MAP1B: variants seen among roughly 807,000 people sequenced by gnomAD.
The protein encoded by MAP1B is microtubule associated protein 1B.
A neutral mutation model predicts 176.1 loss-of-function variants in MAP1B; 12 were observed. The ratio of observed to expected loss-of-function variants is 0.07; its 90% CI spans 0.04 to 0.11. The LOEUF is 0.11. MAP1B is among the 10% of genes least tolerant of loss of function. The pLI is 1.00. For missense variants in MAP1B, 2,523 were observed against 2,990.5 expected, an observed-to-expected ratio of 0.84 and a Z score of 3.65; for synonymous variants, 1,044 against 1,135.0, an observed-to-expected ratio of 0.92 and a Z score of 1.61.
intron 2 of MAP1B, among the ~76,000 whole-genome samples, chr5:72,119,547 G>A (rs1054845373): frequency 1.2e-4 from 18 of 152,150 alleles, no homozygotes; most frequent in Admixed American, 2.0e-4. Context: ...CTATGTCATC[G>A]CCCAGGCTGG....
intron 2 of MAP1B, among the ~76,000 whole-genome samples, chr5:72,135,171 A>G (rs1185647246): frequency 6.6e-6 from 1 of 151,990 alleles, no homozygotes; most frequent in Non-Finnish European, 1.5e-5. Context: ...TTCAAATACC[A>G]GCTCTGGCTT....
rs377401083 is a variant in MAP1B at position 72,200,238 on chromosome 5, T to C, written c.6883T>C (p.Ser2295Pro). ...SRVASPKKKE[S>P]VEKAAKPTTT... is the part of the protein sequence containing the mutation. ...GGTGGCTTCTCCTAAGAAGAAAGAA[T>C]CTGTGGAAAAGGCAGCAAAACCCAC... The change falls in exon 5 of 7, where the codon TCT becomes CCT. Residue 2295 changes from serine to proline, a missense_variant. Physicochemically the swap from Ser to Pro is moderately conservative, Grantham distance 74. Around this residue, in one of 4 missense-constraint regions of MAP1B, gnomAD observed 287 missense variants for 401.5 expected, o/e 0.71. Transcript: ENST00000296755. 2 of 1,613,916 alleles carry C rather than the reference T, an allele frequency of 1.2e-6. No homozygotes were observed. Among genetic ancestry groups the C allele is most frequent in the Non-Finnish European group, 1.7e-6 (2 of 1,180,018 alleles).
At position 72,195,338 on chromosome 5, in the gene MAP1B, T is replaced by A; in HGVS notation, c.1983T>A (p.Ala661=). ...EEKEKPKKEV[A]KKEDKTPIKK... is the part of the protein sequence containing the mutation. ...AAGAAAAGCCAAAGAAAGAAGTGGC[T>A]AAAAAGGAGGACAAAACACCTATCA... The change falls in exon 5 of 7, where the codon GCT becomes GCA. Residue 661 remains alanine, a synonymous_variant. Coordinates refer to ENST00000296755, the MANE Select transcript of MAP1B (RefSeq NM_005909.5). The A allele has an allele frequency of 6.3e-7, 1 of 1,596,940 alleles. No individual in the cohort carries two copies. Among genetic ancestry groups the A allele is most frequent in the Non-Finnish European group, 8.5e-7 (1 of 1,174,118 alleles).
intron 2 of MAP1B, among the ~76,000 whole-genome samples, chr5:72,153,963 TA>T (rs1746187478): frequency 6.6e-6 from 1 of 152,194 alleles, no homozygotes; most frequent in South Asian, 2.1e-4. Context: ...AATTTCGGAC[TA>T]AAATCTGCAG....
chr5:72,143,555 C>A (rs1361831881), intron 2 of MAP1B, among the ~76,000 whole-genome samples: 1 of 152,136 alleles, frequency 6.6e-6, no homozygotes. Context: ...TTGGTATCCT[C>A]CCTCGATATC....
chr5:72,115,220 T>G (rs1016793821), intron 1 of MAP1B, among the ~76,000 whole-genome samples: 6 of 152,180 alleles, frequency 3.9e-5, no homozygotes, highest in Admixed American at 2.6e-4. Flanking sequence ...CAGAACATCA[T>G]TTTAGAAACA....
intron 2 of MAP1B, among the ~76,000 whole-genome samples, chr5:72,141,206 C>A (rs1745942444): frequency 6.6e-6 from 1 of 152,184 alleles, no homozygotes; most frequent in African/African-American, 2.4e-5. Flanking sequence ...TTCTTTCTTT[C>A]CTCCCATTTC....
chr5:72,116,149 G>A, intron 2 of MAP1B: 1 of 320,888 alleles, frequency 3.1e-6, no homozygotes, highest in Non-Finnish European at 6.0e-6. Flanking sequence ...GTGTGTATGT[G>A]TATCTCACTG....
At chr5:72,159,601 A>C (rs1364000017) in intron 2 of MAP1B, among the ~76,000 whole-genome samples, 1 of 152,224 alleles carries the variant, frequency 6.6e-6, no homozygotes, top group Non-Finnish European at 1.5e-5. Flanking sequence ...TATACCAGTG[A>C]TTTAACTTAT....
intron 4 of MAP1B, among the ~76,000 whole-genome samples, chr5:72,187,994 C>CA (rs1282430937): frequency 1.3e-5 from 2 of 152,192 alleles, no homozygotes; most frequent in Non-Finnish European, 2.9e-5. Flanking sequence ...AGAGCTCACT[C>CA]ACAGTTGGTT....
At chr5:72,178,028 A>T (rs1746686450) in intron 2 of MAP1B, among the ~76,000 whole-genome samples, 1 of 150,624 alleles carries the variant, frequency 6.6e-6, no homozygotes, top group Admixed American at 6.6e-5. Flanking sequence ...TTTGAGGCGG[A>T]GTCTCACTCT....
At position 72,196,569 on chromosome 5, in the gene MAP1B, C is replaced by T; in HGVS notation, c.3214C>T (p.Leu1072=). 6.2e-7 allele frequency: 1 copy of T among 1,613,832 alleles called. No homozygotes were observed. The highest frequency in any genetic ancestry group is 8.5e-7 in the Non-Finnish European group (1 of 1,180,034). Residue 1072 remains leucine, a synonymous_variant, in exon 5 of 7, where the codon CTA becomes TTA. Coordinates refer to ENST00000296755, the MANE Select transcript of MAP1B (RefSeq NM_005909.5). The surrounding 1 kb of genome is among the most constrained non-coding windows in gnomAD (Gnocchi z 5.3). ...YGFLTTPTKQ[L]GAQSPGREPA... ...ATTCCTCACCACACCAACCAAGCAA[C>T]TAGGAGCCCAGTCTCCTGGCCGAGA...
chr5:72,122,274 C>G (rs994269247), intron 2 of MAP1B, among the ~76,000 whole-genome samples: 1 of 152,180 alleles, frequency 6.6e-6, no homozygotes, highest in Middle Eastern at 3.4e-3. Context: ...GCTCCTCATG[C>G]TGTCCGCTCT....
In MAP1B at chr5:72,205,480, C is replaced by T. The variant is rs1011515377; in HGVS notation, c.*241C>T. ...TCCTGCAAAATTACCTACCCCAGTT[C>T]ATCTCTGCTGAACATTTGGAAACCA... On this transcript the variant is annotated 3_prime_UTR_variant, in exon 7 of 7. Transcript: ENST00000296755. 2.9e-5 allele frequency: 13 copies of T among 444,018 alleles called. No individual in the cohort carries two copies. The highest frequency in any genetic ancestry group is 4.5e-5 in the Non-Finnish European group (11 of 246,560). 27.5% of individuals were successfully genotyped at this position (444,018 alleles called of 1,614,324 possible).
intron 2 of MAP1B, among the ~76,000 whole-genome samples, chr5:72,124,131 G>A (rs1745581981): frequency 1.3e-5 from 2 of 152,104 alleles, no homozygotes; most frequent in Non-Finnish European, 2.9e-5. Flanking sequence ...TGCAACCCAG[G>A]ACTAATTAAA....
intron 2 of MAP1B, among the ~76,000 whole-genome samples, chr5:72,120,722 G>C (rs951817324): frequency 6.6e-6 from 1 of 151,942 alleles, no homozygotes; most frequent in Non-Finnish European, 1.5e-5. Context: ...CACTGCGCCC[G>C]GCCCCACCTC....
rs2112237648 is a variant in MAP1B, at chr5:72,196,793, G to C, written c.3438G>C (p.Glu1146Asp). 6.2e-7 allele frequency: 1 copy of C among 1,614,070 alleles called. No homozygotes were observed. The highest frequency in any genetic ancestry group is 1.1e-5 in the South Asian group (1 of 91,064). The stretch of plus-strand genomic sequence containing the variant: ...CCCCTCGAGACGTGATGAGTGATGA[G>C]ACCAACAATGAAGAGACGGAGTCCC... Reference protein sequence around the residue: ...MSTPRDVMSDETNNEETESPS... With the variant: ...MSTPRDVMSDDTNNEETESPS... Residue 1146 changes from glutamate to aspartate, a missense_variant, in exon 5 of 7, where the codon GAG (glutamate) becomes GAC (aspartate). Transcript: ENST00000296755. The surrounding 1 kb of genome is among the most constrained non-coding windows in gnomAD (Gnocchi z 5.3).
At chr5:72,169,725 A>G (rs1242870809) in intron 2 of MAP1B, among the ~76,000 whole-genome samples, 1 of 152,200 alleles carries the variant, frequency 6.6e-6, no homozygotes, top group Non-Finnish European at 1.5e-5. Context: ...AAGTATGTAA[A>G]AGCATTTTGT....
chr5:72,108,913 C>G (rs983953824), intron 1 of MAP1B, among the ~76,000 whole-genome samples: 3 of 152,230 alleles, frequency 2.0e-5, no homozygotes, highest in Admixed American at 6.5e-5. Context: ...AGCCCCAGCC[C>G]GCGCTCTATT....
Sources: allele counts gnomAD v4.1 joint callset (sites outside exome capture counted in the v4.1 genomes callset), GRCh38; gene constraint gnomAD v4.1.1; regional missense constraint gnomAD v4.1.1; non-coding constraint Gnocchi (gnomAD v3.1); transcripts MANE v1.5; gene names NCBI Gene and HGNC (gene_info 2026-07-23, HGNC 2026-07-21).